The following ROR1 variants were observed in gnomAD, a reference collection of about 807,000 sequenced individuals.
ROR1 encodes ROR family WNT receptor 1, also known as inactive tyrosine-protein kinase transmembrane receptor ROR1.
In ROR1, 19 loss-of-function variants were observed where a neutral mutation model predicts 78.8. The ratio of observed to expected loss-of-function variants is 0.24; its 90% confidence interval spans 0.17 to 0.35. ROR1 has a LOEUF of 0.35. ROR1 is among the 10% of genes least tolerant of loss of function. ROR1 has a pLI of 1.00. For synonymous variants in ROR1, 386 were observed against 433.6 expected (o/e 0.89, Z 1.36); for missense variants, 917 against 1,177.8 (o/e 0.78, Z 3.24).
At chr1:64,118,394 C>T (rs778294926) in intron 4 of ROR1, among the ~76,000 whole-genome samples, 1 of 151,362 alleles carries the variant, frequency 6.6e-6, no homozygotes, top group East Asian at 2.0e-4. Context: ...TTTGGGAGGC[C>T]GAGGCAGGCA....
rs2100710489 is a variant in ROR1, at chr1:64,140,480, G to T, written c.928+54G>T. The T allele has an allele frequency of 1.9e-6, 3 of 1,539,790 alleles. No homozygotes were observed. In the East Asian group the frequency reaches 6.8e-5, roughly 35 times the overall value. ...TCTTCTAAGGGTCAGCAACCTGTTGGCACAGGGAAAACTGGACCTTGACCC... is the reference window on the plus strand; with the variant it reads ...TCTTCTAAGGGTCAGCAACCTGTTGTCACAGGGAAAACTGGACCTTGACCC... On this transcript the variant is annotated intron_variant, in intron 6 of 8. Coordinates refer to ENST00000371079, the MANE Select transcript of ROR1 (RefSeq NM_005012.4).
At chr1:63,973,664 C>T (rs1339361787) in intron 1 of ROR1, among the ~76,000 whole-genome samples, 1 of 152,134 alleles carries the variant, frequency 6.6e-6, no homozygotes, top group East Asian at 1.9e-4. Context: ...GCATCAGCAA[C>T]AGACTTGCTG....
At chr1:63,873,888 G>A (rs1195762642) in intron 1 of ROR1, among the ~76,000 whole-genome samples, 1 of 152,088 alleles carries the variant, frequency 6.6e-6, no homozygotes, top group Non-Finnish European at 1.5e-5. Context: ...TCTGGAATGT[G>A]TTTATAGATC....
At chr1:63,929,035 A>G (rs781782750) in intron 1 of ROR1, among the ~76,000 whole-genome samples, 26 of 152,328 alleles carry the variant, frequency 1.7e-4, no homozygotes, top group Admixed American at 4.6e-4. Context: ...AAGAGCCGTT[A>G]CAGTTTATAC....
chr1:64,067,594 C>A (rs1391642480), intron 4 of ROR1, among the ~76,000 whole-genome samples: 4 of 150,712 alleles, frequency 2.7e-5, no homozygotes, highest in Non-Finnish European at 5.9e-5. Flanking sequence ...CATTATTTTT[C>A]TTTCATTTTT....
At chr1:63,984,158 G>A (rs573174772) in intron 1 of ROR1, among the ~76,000 whole-genome samples, 1 of 152,240 alleles carries the variant, frequency 6.6e-6, no homozygotes, top group African/African-American at 2.4e-5. Context: ...GGACAAAATG[G>A]GCTCTAAATA....
At chr1:64,028,216 A>T (rs1646629942) in intron 2 of ROR1, among the ~76,000 whole-genome samples, 1 of 152,254 alleles carries the variant, frequency 6.6e-6, no homozygotes, top group Middle Eastern at 3.4e-3. Flanking sequence ...ACATTAATTC[A>T]CTCAACAAGC....
intron 1 of ROR1, among the ~76,000 whole-genome samples, chr1:63,795,547 G>A (rs1644755258): frequency 6.6e-6 from 1 of 152,140 alleles, no homozygotes; most frequent in South Asian, 2.1e-4. Flanking sequence ...AGCTGAGCAA[G>A]CTCATGGAGT....
At chr1:64,118,632 C>CAAAAAAAAA (rs3084938) in intron 4 of ROR1, among the ~76,000 whole-genome samples, 3 of 65,850 alleles carry the variant, frequency 4.6e-5, no homozygotes, top group Non-Finnish European at 8.5e-5. Flanking sequence ...GACTCCATCT[C>CAAAAAAAAA]AAAAAAAAAA....
chr1:63,787,522 CTCTTTT>C (rs1644699091), intron 1 of ROR1, among the ~76,000 whole-genome samples: 1 of 147,006 alleles, frequency 6.8e-6, no homozygotes, highest in Non-Finnish European at 1.5e-5. Context: ...TTCCTTCCTT[CTCTTTT>C]TTTTTTTTTT....
intron 4 of ROR1, among the ~76,000 whole-genome samples, chr1:64,097,817 A>G (rs1024620928): frequency 1.3e-5 from 2 of 152,118 alleles, no homozygotes; most frequent in Non-Finnish European, 2.9e-5. Flanking sequence ...CTCAAGCTCC[A>G]GAACCTCTGG....
At chr1:63,790,650 C>T (rs1644720669) in intron 1 of ROR1, among the ~76,000 whole-genome samples, 1 of 152,184 alleles carries the variant, frequency 6.6e-6, no homozygotes, top group Non-Finnish European at 1.5e-5. Context: ...AATCCTGGCA[C>T]TGTGCTACAG....
intron 4 of ROR1, among the ~76,000 whole-genome samples, chr1:64,072,679 G>T (rs530774115): frequency 4.8e-4 from 73 of 152,162 alleles, no homozygotes; most frequent in Middle Eastern, 3.2e-3. Flanking sequence ...CCACAGGTCT[G>T]CCAGGGAATG....
Position 64,142,875 on chromosome 1 carries a change from C to T in ROR1, c.1174+225C>T, listed in dbSNP as rs1260808117. ...ACTGCCTTTATACCTGCAGCCATTG[C>T]ACTCATGGATGTAACAGGGACCCAG... On this transcript the variant is annotated intron_variant, in intron 7 of 8. Transcript: ENST00000371079. 5.8e-6 allele frequency: 8 copies of T among 1,380,304 alleles called. No individual in the cohort carries two copies. The Admixed American group carries it at 2.1e-4, about 36-fold the overall frequency. The allele number at this position is 1,380,304 out of a possible 1,614,324, so 85.5% of individuals were successfully genotyped here.
At chr1:64,096,656 T>C (rs1647311419) in intron 4 of ROR1, among the ~76,000 whole-genome samples, 1 of 152,188 alleles carries the variant, frequency 6.6e-6, no homozygotes, top group South Asian at 2.1e-4. Flanking sequence ...GATGGGTATT[T>C]GGGTTGATTC....
chr1:63,996,086 CTAT>C (rs1388208946), intron 1 of ROR1, among the ~76,000 whole-genome samples: 1 of 152,140 alleles, frequency 6.6e-6, no homozygotes, highest in Non-Finnish European at 1.5e-5. Context: ...TGACTACCTA[CTAT>C]GAGTTTGGTG....
At chr1:64,007,267 G>A (rs1168882858) in intron 1 of ROR1, among the ~76,000 whole-genome samples, 1 of 152,094 alleles carries the variant, frequency 6.6e-6, no homozygotes, top group Non-Finnish European at 1.5e-5. Flanking sequence ...GATTAAAGAT[G>A]CCTACACTGG....
At chr1:63,920,377 T>A (rs1272378356) in intron 1 of ROR1, among the ~76,000 whole-genome samples, 1 of 152,164 alleles carries the variant, frequency 6.6e-6, no homozygotes, top group Non-Finnish European at 1.5e-5. Context: ...AGGCGTCTCA[T>A]AGGTATGGTT....
chr1:64,151,827 G>T (rs1303565936), intron 7 of ROR1, among the ~76,000 whole-genome samples: 2 of 150,138 alleles, frequency 1.3e-5, no homozygotes, highest in Non-Finnish European at 1.5e-5. Context: ...AGGTTACAGC[G>T]AGCTGAGATT....
Sources: allele counts gnomAD v4.1 joint callset (sites outside exome capture counted in the v4.1 genomes callset), GRCh38; gene constraint gnomAD v4.1.1; transcripts MANE v1.5; gene names NCBI Gene and HGNC (gene_info 2026-07-23, HGNC 2026-07-21).